The following DCP2 variants were observed in gnomAD, a reference collection of about 807,000 sequenced individuals.
DCP2 encodes the protein m7GpppN-mRNA hydrolase.
DCP2 carries 30 observed loss-of-function variants against 56.1 expected under a neutral mutation model. The ratio of observed to expected loss-of-function variants is 0.53; its 90% CI spans 0.40 to 0.73. The LOEUF (loss-of-function observed/expected upper bound fraction) is 0.73. Among genes scored for constraint, DCP2 ranks in the 30% least tolerant of loss-of-function variants. The pLI is 0.00. For synonymous variants in DCP2, 197 were observed against 163.3 expected, an observed-to-expected ratio of 1.21 and a Z score of -1.57; for missense variants, 533 against 502.7, an observed-to-expected ratio of 1.06 and a Z score of -0.58.
At chr5:112,985,198 C>A (rs1748220499) in intron 1 of DCP2, among the ~76,000 whole-genome samples, 4 of 151,988 alleles carry the variant, frequency 2.6e-5, no homozygotes, top group African/African-American at 4.8e-5. Context: ...TAAAGGGGTT[C>A]ATTATCCTAA....
At position 113,017,239 on chromosome 5, in the gene DCP2, T is replaced by C. The variant is rs1410130782; in HGVS notation, c.*3755T>C. 6.6e-6 allele frequency: 1 copy of C among 152,254 alleles called. No individual in the cohort carries two copies. The highest frequency in any genetic ancestry group is 6.5e-5 in the Admixed American group (1 of 15,284). 9.4% of individuals were successfully genotyped at this position (152,254 alleles called of 1,614,324 possible). On this transcript the variant is annotated 3_prime_UTR_variant, in exon 11 of 11. Coordinates refer to ENST00000389063, the MANE Select transcript of DCP2 (RefSeq NM_152624.6). ...TTCCTAGTAATTTTGACTTGGATTATTTTCTAGCCTGGGGGATGGGGTTCA... is the reference window on the plus strand; with the variant it reads ...TTCCTAGTAATTTTGACTTGGATTACTTTCTAGCCTGGGGGATGGGGTTCA...
chr5:113,001,062 C>A, intron 4 of DCP2, 22 bp from the exon 5 acceptor site: 1 of 1,563,938 alleles, frequency 6.4e-7, no homozygotes, highest in African/African-American at 1.4e-5. Context: ...ATGAAAATTT[C>A]ATCCAAATTT....
chr5:112,995,173 T>G (rs1212334864), intron 4 of DCP2, among the ~76,000 whole-genome samples: 1 of 152,212 alleles, frequency 6.6e-6, no homozygotes, highest in African/African-American at 2.4e-5. Flanking sequence ...CAAGCTATTA[T>G]TTACAACAGC....
At chr5:112,991,667 A>G (rs1255034163) in intron 2 of DCP2, among the ~76,000 whole-genome samples, 1 of 152,164 alleles carries the variant, frequency 6.6e-6, no homozygotes, top group Non-Finnish European at 1.5e-5. Context: ...TCTTAGCAAT[A>G]TATTTTCTTC....
At chr5:113,013,001 C>T (rs1397737815) in intron 10 of DCP2, among the ~76,000 whole-genome samples, 2 of 152,246 alleles carry the variant, frequency 1.3e-5, no homozygotes, top group East Asian at 1.9e-4. Context: ...CTTTATTTTT[C>T]TGTAACAGAA....
At chr5:112,999,453 C>G (rs753522410) in intron 4 of DCP2, among the ~76,000 whole-genome samples, 1 of 151,696 alleles carries the variant, frequency 6.6e-6, no homozygotes, top group African/African-American at 2.4e-5. Context: ...CTCAGCCTTC[C>G]GAGTAGCTGG....
chr5:113,001,066 C>A lies in DCP2; in HGVS notation c.433-18C>A. ...TAAGAACTAAAATGAAAATTTCATC[C>A]AAATTTGTTGTTTCCAGGTCTTTGA... On this transcript the variant is annotated intron_variant, in intron 4 of 10. Coordinates refer to ENST00000389063, the MANE Select transcript of DCP2 (RefSeq NM_152624.6). 2 of 1,564,602 alleles carry A rather than the reference C, an allele frequency of 1.3e-6. No individual in the cohort carries two copies. Among genetic ancestry groups the A allele is most frequent in the South Asian group, 1.2e-5 (1 of 83,544 alleles).
Position 113,021,792 on chromosome 5 carries a change from C to T in DCP2, c.*8308C>T, listed in dbSNP as rs746752576. 1.7e-4 allele frequency among the ~76,000 whole-genome samples: 26 copies of T among 152,168 alleles called. No individual in the cohort carries two copies. The highest frequency in any genetic ancestry group is 2.9e-4 in the Non-Finnish European group (20 of 68,020). On this transcript the variant is annotated 3_prime_UTR_variant, in exon 11 of 11. Coordinates refer to ENST00000389063, the MANE Select transcript of DCP2 (RefSeq NM_152624.6). The stretch of plus-strand genomic sequence containing the variant: ...GCAAAGCTGCTTGCCATCTTGTTGT[C>T]CTATATGACTTCCTTGCATTTCCAG...
intron 1 of DCP2, chr5:112,984,281 A>G (rs915235562): frequency 6.6e-6 from 1 of 152,216 alleles, no homozygotes; most frequent in African/African-American, 2.4e-5. Flanking sequence ...CAGAATATCC[A>G]AAAAGGAGCC....
At position 113,017,080 on chromosome 5, in the gene DCP2, T is replaced by C. The variant is rs1474382762; in HGVS notation, c.*3596T>C. On this transcript the variant is annotated 3_prime_UTR_variant, in exon 11 of 11. Transcript: ENST00000389063. The stretch of plus-strand genomic sequence containing the variant: ...GGTCTCTCTTGGCTTTTTATCTTTA[T>C]TTTTGTACCAGTGGACCTTCCTGCT... 6.6e-6 allele frequency: 1 copy of C among 152,166 alleles called. No homozygotes were observed. Among genetic ancestry groups the C allele is most frequent in the Non-Finnish European group, 1.5e-5 (1 of 68,026 alleles). 9.4% of individuals were successfully genotyped at this position (152,166 alleles called of 1,614,324 possible).
At chr5:113,005,238 C>T (rs1217733492) in intron 8 of DCP2, among the ~76,000 whole-genome samples, 1 of 151,686 alleles carries the variant, frequency 6.6e-6, no homozygotes, top group African/African-American at 2.4e-5. Context: ...AAAAGTAGCC[C>T]ACAAAATAGA....
chr5:113,006,967 G>C (rs922405457), intron 8 of DCP2, among the ~76,000 whole-genome samples: 1 of 151,930 alleles, frequency 6.6e-6, no homozygotes, highest in African/African-American at 2.4e-5. Flanking sequence ...AACCTTCACC[G>C]TCCCTATTAA....
chr5:112,994,013 G>A (rs1158039148), intron 4 of DCP2, among the ~76,000 whole-genome samples: 6 of 151,668 alleles, frequency 4.0e-5, no homozygotes, highest in Admixed American at 2.6e-4. Context: ...CCCAGGCTGG[G>A]TTTGAACTTC....
rs116871459 is a variant in DCP2 at position 113,019,018 on chromosome 5, T to A, written c.*5534T>A. ...TGGTTCTAGAGTGAAATGGGCAGTG[T>A]TCTGCTGGTCCTCAGTCTTTGAGAG... is the stretch of plus-strand genomic sequence containing the variant. On this transcript the variant is annotated 3_prime_UTR_variant, in exon 11 of 11. Transcript: ENST00000389063. The A allele has an allele frequency of 6.6e-6, 1 of 152,356 alleles. No individual in the cohort carries two copies. The highest frequency in any genetic ancestry group is 1.9e-4 in the East Asian group (1 of 5,188). 9.4% of individuals were successfully genotyped at this position (152,356 alleles called of 1,614,324 possible). A position where few individuals can be genotyped will look rare whatever the true frequency, so the allele number is the denominator to read the frequency against.
intron 2 of DCP2, among the ~76,000 whole-genome samples, chr5:112,988,494 TAAAAAAA>T (rs368124032): frequency 3.6e-5 from 3 of 82,452 alleles, no homozygotes; most frequent in African/African-American, 5.0e-5. Context: ...TGTGTCTTAA[TAAAAAAA>T]AAAAAAAAAA....
rs1750148606 is a variant in DCP2 at position 113,021,725 on chromosome 5, G to GAAAACTTGAGAACATTGTAATCTTTCT, written c.*8242_*8268dup. On this transcript the variant is annotated 3_prime_UTR_variant, in exon 11 of 11. Transcript: ENST00000389063. ...GTCAAAGTTACTTTGCTTCCATAGT[G>GAAAACTTGAGAACATTGTAATCTTTCT]AAAACTTGAGAACATTGTAATCTTT... is the stretch of plus-strand genomic sequence containing the variant. Among the ~76,000 whole-genome samples, 1 of 152,168 alleles carries GAAAACTTGAGAACATTGTAATCTTTCT rather than the reference G, an allele frequency of 6.6e-6. No individual in the cohort carries two copies. Among genetic ancestry groups the GAAAACTTGAGAACATTGTAATCTTTCT allele is most frequent in the Non-Finnish European group, 1.5e-5 (1 of 68,032 alleles).
chr5:112,987,134 AT>A (rs1360046146), intron 2 of DCP2, among the ~76,000 whole-genome samples: 5 of 152,256 alleles, frequency 3.3e-5, no homozygotes, highest in Non-Finnish European at 7.3e-5. Context: ...AAGCTATGTC[AT>A]AAGGCAAATA....
chr5:112,994,163 C>CTTTTTTTTTT (rs771514208), intron 4 of DCP2, among the ~76,000 whole-genome samples: 1 of 75,176 alleles, frequency 1.3e-5, no homozygotes. Flanking sequence ...TTTTTTCTTT[C>CTTTTTTTTTT]TTTTTTTTTT....
In DCP2 at chr5:113,001,525, CTGTA is replaced by C. The variant is rs1749179011; in HGVS notation, c.699-41_699-38del. 3.1e-6 allele frequency: 5 copies of C among 1,607,856 alleles called. No homozygotes were observed. In the African/African-American group the frequency reaches 4.0e-5, roughly 13 times the overall value. Reference sequence around the variant, plus strand: ...CATGATTGGGATAGTCATCTTCTGTCTGTAGCCATATTTTGAAAGTGAATTCTTA... The same window carrying C: ...CATGATTGGGATAGTCATCTTCTGTCGCCATATTTTGAAAGTGAATTCTTA... On this transcript the variant is annotated intron_variant, in intron 6 of 10. Coordinates refer to ENST00000389063, the MANE Select transcript of DCP2 (RefSeq NM_152624.6).
Sources: gnomAD v4.1 joint callset for allele counts (sites outside exome capture counted in the v4.1 genomes callset) on GRCh38, gnomAD v4.1.1 for gene constraint, MANE v1.5 for transcripts, NCBI Gene and HGNC (gene_info 2026-07-23, HGNC 2026-07-21) for gene names.